The following ARPC1A variants were observed in gnomAD, a reference collection of about 807,000 sequenced individuals.
ARPC1A encodes the protein actin related protein 2/3 complex subunit 1A, also known as actin-related protein 2/3 complex subunit 1A.
A neutral mutation model predicts 46.9 loss-of-function variants in ARPC1A; 8 were observed. The observed-to-expected ratio is 0.17, with a 90% CI of 0.10 to 0.31. The LOEUF is 0.31. Among genes scored for constraint, ARPC1A ranks in the 10% least tolerant of loss-of-function variants. The pLI, the probability that ARPC1A is intolerant of heterozygous loss-of-function variation, is 1.00. For missense variants in ARPC1A, 286 were observed against 483.6 expected (o/e 0.59, Z 3.83); for synonymous variants, 152 against 169.0 (o/e 0.90, Z 0.78).
intron 3 of ARPC1A, among the ~76,000 whole-genome samples, chr7:99,339,188 C>G (rs771199429): frequency 5.3e-5 from 8 of 152,184 alleles, no homozygotes; most frequent in Non-Finnish European, 1.2e-4. Flanking sequence ...CCCTGGAAGG[C>G]AGACTATAAT....
chr7:99,353,964 G>A lies in ARPC1A; in HGVS notation c.556G>A (p.Gly186Ser). 6.2e-7 allele frequency: 1 copy of A among 1,613,948 alleles called. No individual in the cohort carries two copies. The highest frequency in any genetic ancestry group is 8.5e-7 in the Non-Finnish European group (1 of 1,179,864). Reference sequence around the variant, plus strand: ...TGAAAAGCCAGCCAGCACGCCCTGGGGCAGCAAGATGCCTTTTGGGCAGCT... The same window carrying A: ...TGAAAAGCCAGCCAGCACGCCCTGGAGCAGCAAGATGCCTTTTGGGCAGCT... ...VDEKPASTPW[G>S]SKMPFGQLMS... The change falls in exon 6 of 10, where the codon GGC becomes AGC. Residue 186 changes from glycine (G) to serine (S), a missense_variant. Coordinates refer to ENST00000262942, the MANE Select transcript of ARPC1A (RefSeq NM_006409.4).
chr7:99,353,507 C>T (rs1416436104), intron 5 of ARPC1A, among the ~76,000 whole-genome samples: 1 of 132,886 alleles, frequency 7.5e-6, no homozygotes, highest in African/African-American at 3.2e-5. Flanking sequence ...GAAGGAGTTT[C>T]TCTCTTGTTG....
At chr7:99,326,556 G>A (rs1356013281) in intron 1 of ARPC1A, among the ~76,000 whole-genome samples, 2 of 152,156 alleles carry the variant, frequency 1.3e-5, no homozygotes, top group African/African-American at 4.8e-5. Context: ...CACCCTTCTC[G>A]GCGCTCTTAT....
chr7:99,335,740 G>C lies in ARPC1A; in HGVS notation c.64+2323G>C, dbSNP rs559661442. ...GAGGCCAAGGCAGGCAGATCACGAG[G>C]TCAGGAGATCAAGACCATCCTGACT... On this transcript the variant is annotated intron_variant, in intron 2 of 9. Transcript: ENST00000262942. Among the ~76,000 whole-genome samples the C allele has an allele frequency of 4.6e-5, 7 of 152,146 alleles. No individual in the cohort carries two copies. The South Asian group carries it at 1.5e-3, about 32-fold the overall frequency.
chr7:99,359,808 G>C, intron 8 of ARPC1A, 70 bp downstream of exon 8: 1 of 1,548,768 alleles, frequency 6.5e-7, no homozygotes, highest in Non-Finnish European at 8.8e-7. Context: ...TTCCTTACTG[G>C]GTTCCTACAA....
At chr7:99,359,461 A>T in intron 7 of ARPC1A, 84 bp from the exon 8 acceptor site, 39 of 1,188,916 alleles carry the variant, frequency 3.3e-5, no homozygotes, top group Non-Finnish European at 4.2e-5. Flanking sequence ...AAAGAGTAAG[A>T]GAGGCCTGTC....
At chr7:99,359,248 C>T (rs1360544968) in intron 7 of ARPC1A, among the ~76,000 whole-genome samples, 1 of 148,794 alleles carries the variant, frequency 6.7e-6, no homozygotes, top group Non-Finnish European at 1.5e-5. Context: ...CCAGCCTGGC[C>T]AACATGGTGA....
rs779293806 is a variant in ARPC1A at position 99,358,754 on chromosome 7, G to A, written c.789+339G>A. ...GGGGTTTCTCCATGTTGGTCAGGCC[G>A]GTCTCGAACTCCCATCCTCAGGTGA... On this transcript the variant is annotated intron_variant, in intron 7 of 9. Transcript: ENST00000262942. 1.7e-4 allele frequency: 38 copies of A among 217,632 alleles called. No homozygotes were observed. In the South Asian group the frequency reaches 1.8e-3, roughly 10 times the overall value. 13.5% of individuals were successfully genotyped at this position (217,632 alleles called of 1,614,324 possible).
chr7:99,354,674 G>A (rs1182984101), intron 6 of ARPC1A, among the ~76,000 whole-genome samples: 4 of 151,844 alleles, frequency 2.6e-5, no homozygotes, highest in East Asian at 1.9e-4. Context: ...GTGAAACCCC[G>A]TCTCTACTAA....
intron 3 of ARPC1A, chr7:99,339,753 G>C (rs1373609109): frequency 3.9e-6 from 1 of 258,120 alleles, no homozygotes; most frequent in Non-Finnish European, 8.2e-6. Context: ...GAACATTTAG[G>C]TTGTTTCAAT....
At chr7:99,344,070 C>A (rs374481361) in intron 3 of ARPC1A, among the ~76,000 whole-genome samples, 2 of 152,198 alleles carry the variant, frequency 1.3e-5, no homozygotes, top group African/African-American at 4.8e-5. Flanking sequence ...AACAGCTCTT[C>A]TACATGACCT....
At chr7:99,339,378 C>T (rs539899768) in intron 3 of ARPC1A, among the ~76,000 whole-genome samples, 2 of 152,044 alleles carry the variant, frequency 1.3e-5, no homozygotes, top group Non-Finnish European at 2.9e-5. Context: ...TGAGACCCCC[C>T]GTTAGCACGG....
chr7:99,353,816 A>C (rs1391064513), intron 5 of ARPC1A, 93 bp from the exon 6 acceptor site: 2 of 1,257,648 alleles, frequency 1.6e-6, no homozygotes, highest in Non-Finnish European at 2.3e-6. Flanking sequence ...ACCTCTTTGC[A>C]TTCTGAGATT....
At chr7:99,347,565 C>T (rs368604080) in intron 4 of ARPC1A, among the ~76,000 whole-genome samples, 10 of 151,920 alleles carry the variant, frequency 6.6e-5, no homozygotes, top group African/African-American at 2.4e-4. Context: ...ATTAGCCGGG[C>T]GTGGTGGCGT....
intron 2 of ARPC1A, among the ~76,000 whole-genome samples, chr7:99,335,010 ATT>A (rs970964685): frequency 6.6e-6 from 1 of 151,928 alleles, no homozygotes; most frequent in Non-Finnish European, 1.5e-5. Context: ...TGCTCGGCTA[ATT>A]TTTTTTGTAT....
intron 3 of ARPC1A, 127 bp downstream of exon 3, chr7:99,338,412 G>A: frequency 3.5e-6 from 2 of 573,202 alleles, no homozygotes; most frequent in Non-Finnish European, 5.3e-6. Flanking sequence ...TTGAGAAGGA[G>A]TATCACTCTT....
intron 1 of ARPC1A, among the ~76,000 whole-genome samples, chr7:99,331,212 T>G (rs1793138838): frequency 6.6e-6 from 1 of 152,082 alleles, no homozygotes; most frequent in Non-Finnish European, 1.5e-5. Context: ...CAGAGCAGCC[T>G]GGGCAACATG....
At chr7:99,326,934 C>G (rs528910901) in intron 1 of ARPC1A, among the ~76,000 whole-genome samples, 107 of 152,298 alleles carry the variant, frequency 7.0e-4, no homozygotes, top group African/African-American at 2.5e-3. Context: ...ACATGATAGG[C>G]ACTTAATCAG....
intron 2 of ARPC1A, among the ~76,000 whole-genome samples, chr7:99,334,957 C>T (rs561101692): frequency 6.7e-4 from 102 of 152,324 alleles, no homozygotes; most frequent in African/African-American, 2.4e-3. Context: ...CATTCTCCTG[C>T]CTCAGCCTCC....
Sources: allele counts gnomAD v4.1 joint callset (sites outside exome capture counted in the v4.1 genomes callset), GRCh38; gene constraint gnomAD v4.1.1; transcripts MANE v1.5; gene names NCBI Gene and HGNC (gene_info 2026-07-23, HGNC 2026-07-21).